The following ZNF469 variants were observed in gnomAD, a reference collection of about 807,000 sequenced individuals.
ZNF469 encodes the protein zinc finger protein 469.
In ZNF469, 1 loss-of-function variant was observed where a neutral mutation model predicts 1.0. That is an observed-to-expected ratio of 1.00 (90% CI 0.35 to 4.73). ZNF469 has a LOEUF of 4.73. Ranked by LOEUF, ZNF469 falls within the 30% of genes most tolerant of loss-of-function variation. ZNF469 has a pLI of 0.16. For synonymous variants in ZNF469, 2,703 were observed against 2,363.4 expected (o/e 1.14, Z -4.17); for missense variants, 6,100 against 5,356.3 (o/e 1.14, Z -4.33).
At chr16:88,113,495 G>A in the ZNF469 span, among the ~76,000 whole-genome samples, 1 of 152,208 alleles carries the variant, frequency 6.6e-6, no homozygotes, top group Non-Finnish European at 1.5e-5. Flanking sequence ...AGAGCCTGCT[G>A]AGCAGGGATC....
chr16:88,175,960 C>T, the ZNF469 span, among the ~76,000 whole-genome samples: 1 of 152,178 alleles, frequency 6.6e-6, no homozygotes, highest in African/African-American at 2.4e-5. Flanking sequence ...TACGATTATC[C>T]TTCCTAAGTC....
chr16:88,430,964 C>A lies in ZNF469; in HGVS notation c.3494C>A (p.Pro1165His). 1 of 1,536,416 alleles carries A rather than the reference C, an allele frequency of 6.5e-7. No individual in the cohort carries two copies. The highest frequency in any genetic ancestry group is 8.7e-7 in the Non-Finnish European group (1 of 1,145,138). Reference sequence around the variant, plus strand: ...GAGCCGGGCGGGTCTCGCCCGGGCCCCGGCAGGAGCCCTCAGGCCCGTGGC... The same window carrying A: ...GAGCCGGGCGGGTCTCGCCCGGGCCACGGCAGGAGCCCTCAGGCCCGTGGC... ...PEEPGGSRPG[P>H]GRSPQARGPS... The change falls in exon 3 of 3, where the codon CCC (proline) becomes CAC (histidine). Residue 1165 changes from proline (P) to histidine (H), a missense_variant. Physicochemically the swap from Pro to His is moderately conservative, Grantham distance 77. Coordinates refer to ENST00000565624, the MANE Select transcript of ZNF469 (RefSeq NM_001367624.2).
At chr16:88,231,152 G>T in the ZNF469 span, among the ~76,000 whole-genome samples, 1 of 152,206 alleles carries the variant, frequency 6.6e-6, no homozygotes, top group South Asian at 2.1e-4. The surrounding 1 kb of genome is among the most constrained non-coding windows in gnomAD (Gnocchi z 4.5). Flanking sequence ...CAGAACCCAT[G>T]GATGGCATTG....
the ZNF469 span, among the ~76,000 whole-genome samples, chr16:88,373,405 G>A: frequency 1.3e-5 from 2 of 152,164 alleles, no homozygotes; most frequent in African/African-American, 4.8e-5. Context: ...GTGTTGAGCT[G>A]TCAACAGGAT....
chr16:88,357,171 C>T, the ZNF469 span, among the ~76,000 whole-genome samples: 1 of 152,244 alleles, frequency 6.6e-6, no homozygotes, highest in East Asian at 1.9e-4. Context: ...AGTGCTCCTT[C>T]TGGGACGATG....
At chr16:88,396,635 C>T (rs111518963) in intron 1 of ZNF469, among the ~76,000 whole-genome samples, 1 of 134,688 alleles carries the variant, frequency 7.4e-6, no homozygotes, top group Non-Finnish European at 1.6e-5. Context: ...GGAGACCCTC[C>T]TGAAGGGAGG....
chr16:88,244,539 G>A, the ZNF469 span, among the ~76,000 whole-genome samples: 3 of 151,292 alleles, frequency 2.0e-5, no homozygotes, highest in East Asian at 5.9e-4. Flanking sequence ...ATTGATGGAT[G>A]GGCAGGTGCA....
chr16:88,431,302 C>T lies in ZNF469; in HGVS notation c.3832C>T (p.Pro1278Ser). ...PPPSRHDTGT[P>S]KPSGSLANTA... is the part of the protein sequence containing the mutation. ...GCCCAGCAGACATGACACCGGCACC[C>T]CCAAGCCGTCGGGAAGCCTCGCCAA... Residue 1278 changes from proline (P) to serine (S), a missense_variant, in exon 3 of 3, where the codon CCC (proline) becomes TCC (serine). Coordinates refer to ENST00000565624, the MANE Select transcript of ZNF469 (RefSeq NM_001367624.2). The T allele has an allele frequency of 1.3e-6, 2 of 1,550,074 alleles. No individual in the cohort carries two copies.
chr16:88,297,602 T>C, the ZNF469 span, among the ~76,000 whole-genome samples: 1 of 152,232 alleles, frequency 6.6e-6, no homozygotes, highest in East Asian at 1.9e-4. Context: ...CTCCGTGGGA[T>C]GGGAGTGTGG....
chr16:88,322,163 G>C, the ZNF469 span, among the ~76,000 whole-genome samples: 1 of 152,128 alleles, frequency 6.6e-6, no homozygotes, highest in Non-Finnish European at 1.5e-5. Flanking sequence ...CCGCGGCCTC[G>C]GCATCTTCTC....
chr16:88,394,114 G>A (rs1482142735), intron 1 of ZNF469, among the ~76,000 whole-genome samples: 3 of 151,180 alleles, frequency 2.0e-5, no homozygotes, highest in Admixed American at 6.6e-5. Flanking sequence ...TGCGCTGTCT[G>A]AGAGGAGCGG....
At chr16:88,154,823 C>T in the ZNF469 span, among the ~76,000 whole-genome samples, 166 of 152,280 alleles carry the variant, frequency 1.1e-3, no homozygotes, top group African/African-American at 3.0e-3. Context: ...AGGAGTGGCA[C>T]GGACGGGATT....
Position 88,434,221 on chromosome 16 carries a change from A to G in ZNF469, c.6751A>G (p.Arg2251Gly), listed in dbSNP as rs1019345995. 34 of 1,550,378 alleles carry G rather than the reference A, an allele frequency of 2.2e-5. No homozygotes were observed. The East Asian group carries it at 8.1e-4, about 37-fold the overall frequency. The change falls in exon 3 of 3, where the codon AGA becomes GGA. Residue 2251 changes from arginine (R) to glycine (G), a missense_variant. Coordinates refer to ENST00000565624, the MANE Select transcript of ZNF469 (RefSeq NM_001367624.2). ...SGDTPKDSTL[R>G]IPEDSRKEKL... ...GGACACCCCCAAAGACAGCACTTTAAGAATTCCAGAGGATTCCAGAAAAGA... is the reference window on the plus strand; with the variant it reads ...GGACACCCCCAAAGACAGCACTTTAGGAATTCCAGAGGATTCCAGAAAAGA...
At chr16:88,400,879 C>A (rs1030173179) in intron 1 of ZNF469, among the ~76,000 whole-genome samples, 49 of 151,784 alleles carry the variant, frequency 3.2e-4, no homozygotes, top group African/African-American at 1.1e-3. Flanking sequence ...CACTAGGGAC[C>A]AAGCAGAGGG....
At chr16:88,317,334 C>T in the ZNF469 span, among the ~76,000 whole-genome samples, 2 of 152,258 alleles carry the variant, frequency 1.3e-5, no homozygotes, top group Admixed American at 1.3e-4. Flanking sequence ...ATGCTCACAG[C>T]ACCTCACCTG....
chr16:88,259,310 C>T, the ZNF469 span, among the ~76,000 whole-genome samples: 2 of 150,300 alleles, frequency 1.3e-5, no homozygotes, highest in African/African-American at 4.9e-5. This position sits in a 1 kb window ranked among gnomAD's most constrained non-coding sequence, Gnocchi z 4.1. Flanking sequence ...AGGGTCGACG[C>T]CCCCTCCTTC....
the ZNF469 span, among the ~76,000 whole-genome samples, chr16:88,224,289 G>C: frequency 1.6e-4 from 24 of 152,338 alleles, no homozygotes; most frequent in African/African-American, 5.8e-4. Flanking sequence ...CAGGATTATA[G>C]TGGCGAGGCA....
intron 1 of ZNF469, among the ~76,000 whole-genome samples, chr16:88,384,856 C>T (rs1231199784): frequency 6.6e-6 from 1 of 152,108 alleles, no homozygotes; most frequent in East Asian, 1.9e-4. Flanking sequence ...GACCCTGCCT[C>T]CAGGTTACTG....
chr16:88,197,107 T>A, the ZNF469 span, among the ~76,000 whole-genome samples: 1 of 152,162 alleles, frequency 6.6e-6, no homozygotes, highest in Non-Finnish European at 1.5e-5. Flanking sequence ...ATAGATCTAA[T>A]CTTGGACTTC....
Sources: gnomAD v4.1 joint callset for allele counts (sites outside exome capture counted in the v4.1 genomes callset) on GRCh38, gnomAD v4.1.1 for gene constraint, Gnocchi (gnomAD v3.1) non-coding constraint, MANE v1.5 for transcripts, NCBI Gene and HGNC (gene_info 2026-07-23, HGNC 2026-07-21) for gene names.